SYT16: variants seen among roughly 807,000 people sequenced by gnomAD.
SYT16 encodes the protein synaptotagmin-16.
Under a neutral mutation model 61.4 loss-of-function variants are expected in SYT16, and 42 were observed. The observed-to-expected ratio is 0.68, with a 90% CI of 0.53 to 0.89. The LOEUF is 0.89. SYT16 is among the 40% of genes least tolerant of loss of function. SYT16 has a pLI of 0.00. For missense variants in SYT16, 804 were observed against 807.3 expected, an observed-to-expected ratio of 1.00 and a Z score of 0.05; for synonymous variants, 314 against 302.3, an observed-to-expected ratio of 1.04 and a Z score of -0.40.
chr14:62,009,036 C>T (rs896865733), intron 3 of SYT16, among the ~76,000 whole-genome samples: 8 of 152,084 alleles, frequency 5.3e-5, no homozygotes, highest in African/African-American at 1.7e-4. Context: ...GGTCGAGGTC[C>T]CTTGAATAAA....
At chr14:61,885,379 TATGATGATGATGATG>T (rs61541645) in intron 1 of SYT16, among the ~76,000 whole-genome samples, 3 of 150,906 alleles carry the variant, frequency 2.0e-5, no homozygotes, top group African/African-American at 4.9e-5. Flanking sequence ...GCATGGCAGA[TATGATGATGATGATG>T]ATGATGATGA....
intron 1 of SYT16, among the ~76,000 whole-genome samples, chr14:61,893,698 A>G (rs1053734314): frequency 7.9e-5 from 12 of 152,112 alleles, no homozygotes; most frequent in Admixed American, 2.6e-4. Context: ...CCCATTTTCC[A>G]TCCACTAGAA....
At chr14:62,051,417 C>G (rs141615967) in intron 3 of SYT16, among the ~76,000 whole-genome samples, 10,511 of 152,298 alleles carry the variant, frequency 0.069, 472 homozygotes, top group East Asian at 0.12. Flanking sequence ...CCTTGCACTT[C>G]CCTGGTGAGG....
At chr14:62,064,301 C>A (rs887619036) in intron 3 of SYT16, among the ~76,000 whole-genome samples, 2 of 114,030 alleles carry the variant, frequency 1.8e-5, no homozygotes, top group African/African-American at 7.5e-5. Context: ...TAGCTGGGAT[C>A]TTGCAAATAG....
At chr14:62,027,277 A>C (rs1472031369) in intron 3 of SYT16, among the ~76,000 whole-genome samples, 1 of 152,204 alleles carries the variant, frequency 6.6e-6, no homozygotes, top group Admixed American at 6.5e-5. Context: ...TGTCTCTGAT[A>C]GCCATGCTTT....
At chr14:62,008,963 T>C (rs2053336275) in intron 3 of SYT16, among the ~76,000 whole-genome samples, 1 of 152,170 alleles carries the variant, frequency 6.6e-6, no homozygotes, top group African/African-American at 2.4e-5. Flanking sequence ...TTTATTTAGA[T>C]GGTATGTATG....
chr14:62,023,166 C>G (rs2053976333), intron 3 of SYT16, among the ~76,000 whole-genome samples: 1 of 152,008 alleles, frequency 6.6e-6, no homozygotes, highest in South Asian at 2.1e-4. Flanking sequence ...TTCTTTTTCC[C>G]TGCTGGCTGG....
chr14:62,000,237 A>G (rs2052955072), intron 3 of SYT16, among the ~76,000 whole-genome samples: 1 of 149,520 alleles, frequency 6.7e-6, no homozygotes, highest in Admixed American at 6.7e-5. Flanking sequence ...TGCTTTACGT[A>G]GTTTGAAGCT....
intron 1 of SYT16, among the ~76,000 whole-genome samples, chr14:61,935,106 C>T (rs1236165695): frequency 1.3e-5 from 2 of 152,028 alleles, no homozygotes; most frequent in East Asian, 3.9e-4. Context: ...TCTTTTTGCC[C>T]ATTCCTTTTT....
chr14:61,981,553 A>C (rs2052077594), intron 2 of SYT16, among the ~76,000 whole-genome samples: 2 of 152,318 alleles, frequency 1.3e-5, no homozygotes, highest in South Asian at 4.1e-4. Flanking sequence ...TTCATTTCCA[A>C]ATGATACTCT....
At position 61,894,793 on chromosome 14, in the gene SYT16, A is replaced by G. The variant is rs549540963; in HGVS notation, c.-324-75339A>G. ...CCCTGTGGCTAAGTAGGAAACCATC[A>G]TGTTTTTAAAACTTAAAATCGCTTT... is the stretch of plus-strand genomic sequence containing the variant. On this transcript the variant is annotated intron_variant, in intron 1 of 7. Coordinates refer to ENST00000683842, the MANE Select transcript of SYT16 (RefSeq NM_001367656.1). Among the ~76,000 whole-genome samples, 17 of 152,320 alleles carry G rather than the reference A, an allele frequency of 1.1e-4. No individual in the cohort carries two copies. The South Asian group carries it at 3.5e-3, about 32-fold the overall frequency.
chr14:62,008,171 C>T (rs1959332), intron 3 of SYT16, among the ~76,000 whole-genome samples: 71,091 of 151,676 alleles, frequency 0.47, 16,951 homozygotes, highest in East Asian at 0.7. Flanking sequence ...CTTTTTTCTT[C>T]GGTAAATCTC....
rs796529957 is a variant in SYT16, at chr14:61,922,807, T to C, written c.-324-47325T>C. On this transcript the variant is annotated intron_variant, in intron 1 of 7. Coordinates refer to ENST00000683842, the MANE Select transcript of SYT16 (RefSeq NM_001367656.1). Reference sequence around the variant, plus strand: ...GCTCACGCCTGTAATCCCACCACTTTGGGAGGCCAAGGCAGGCCGATCACA... The same window carrying C: ...GCTCACGCCTGTAATCCCACCACTTCGGGAGGCCAAGGCAGGCCGATCACA... Among the ~76,000 whole-genome samples, 29 of 152,294 alleles carry C rather than the reference T, an allele frequency of 1.9e-4. 1 individual carries two copies. Among genetic ancestry groups the C allele is most frequent in the African/African-American group, 7.0e-4 (29 of 41,558 alleles).
intron 1 of SYT16, among the ~76,000 whole-genome samples, chr14:61,875,723 C>A (rs2047466688): frequency 1.3e-5 from 2 of 152,192 alleles, no homozygotes; most frequent in South Asian, 2.1e-4. Flanking sequence ...AGATGGCACC[C>A]CAGGTGCCAT....
chr14:61,892,962 G>A (rs2048191803), intron 1 of SYT16, among the ~76,000 whole-genome samples: 1 of 151,916 alleles, frequency 6.6e-6, no homozygotes, highest in South Asian at 2.1e-4. Context: ...CCTTCCACAA[G>A]CCTTCCTCAG....
intron 3 of SYT16, among the ~76,000 whole-genome samples, chr14:62,002,262 G>A (rs970000038): frequency 6.6e-6 from 1 of 152,096 alleles, no homozygotes; most frequent in Admixed American, 6.6e-5. Context: ...CAGCATTTGA[G>A]TTGGGTTTTT....
At chr14:61,865,929 G>T (rs1416445165) in intron 1 of SYT16, among the ~76,000 whole-genome samples, 1 of 152,114 alleles carries the variant, frequency 6.6e-6, no homozygotes, top group Non-Finnish European at 1.5e-5. Flanking sequence ...TTACGAAATT[G>T]ATCACAGATT....
intron 1 of SYT16, among the ~76,000 whole-genome samples, chr14:61,900,131 A>C (rs1200311728): frequency 6.6e-6 from 1 of 150,834 alleles, no homozygotes; most frequent in Non-Finnish European, 1.5e-5. Flanking sequence ...TTTGATTGCC[A>C]GGCAGTAAGC....
At chr14:62,037,739 A>G (rs548615878) in intron 3 of SYT16, among the ~76,000 whole-genome samples, 1 of 152,310 alleles carries the variant, frequency 6.6e-6, no homozygotes, top group East Asian at 1.9e-4. Context: ...GAATCTTGAA[A>G]CATATCTAGT....
Sources: gnomAD v4.1 joint callset for allele counts (sites outside exome capture counted in the v4.1 genomes callset) on GRCh38, gnomAD v4.1.1 for gene constraint, MANE v1.5 for transcripts, NCBI Gene and HGNC (gene_info 2026-07-23, HGNC 2026-07-21) for gene names.